The following DNAJC14 variants were observed in gnomAD, a reference collection of about 807,000 sequenced individuals.
DNAJC14 encodes the protein DnaJ heat shock protein family (Hsp40) member C14, also known as dnaJ homolog subfamily C member 14.
A neutral mutation model predicts 68.8 loss-of-function variants in DNAJC14; 12 were observed. The ratio of observed to expected loss-of-function variants is 0.17; its 90% confidence interval spans 0.11 to 0.28. DNAJC14 has a LOEUF of 0.28. Ranked by LOEUF, DNAJC14 falls within the 10% of genes least tolerant of loss-of-function variation. The probability of loss-of-function intolerance (pLI) is 1.00; values close to 1 mark genes in which losing one functional copy is unlikely to be tolerated. For synonymous variants in DNAJC14, 350 were observed against 321.5 expected (o/e 1.09, Z -0.95); for missense variants, 764 against 875.6 (o/e 0.87, Z 1.61).
At position 55,828,122 on chromosome 12, in the gene DNAJC14, G is replaced by A. The variant is rs1186289030; in HGVS notation, c.537C>T (p.Phe179=). 1 of 1,606,896 alleles carries A rather than the reference G, an allele frequency of 6.2e-7. No homozygotes were observed. Among genetic ancestry groups the A allele is most frequent in the East Asian group, 2.2e-5 (1 of 44,802 alleles). Residue 179 remains phenylalanine, a synonymous_variant, in exon 2 of 7, where the codon TTC becomes TTT. Transcript: ENST00000678005. ...EEYDDEESLK[F]PSDFSRVSSG... is the part of the protein sequence containing the mutation. ...TGGACACACGTGAAAAATCACTGGG[G>A]AACTTGAGAGATTCTTCATCATCAT...
chr12:55,823,513 C>G lies in DNAJC14; in HGVS notation c.1408-5G>C, dbSNP rs778007008. The G allele has an allele frequency of 1.9e-6, 3 of 1,612,478 alleles. No homozygotes were observed. Among genetic ancestry groups the G allele is most frequent in the Admixed American group, 3.3e-5 (2 of 60,006 alleles). The stretch of plus-strand genomic sequence containing the variant: ...ATGATTTTTGTCAGGATGAACCTAC[C>G]AAGACAGAGAGATTTCATTACAAAT... On this transcript the variant is annotated splice_region_variant and splice_polypyrimidine_tract_variant and intron_variant, in intron 2 of 6. Coordinates refer to ENST00000678005, the MANE Select transcript of DNAJC14 (RefSeq NM_032364.6).
chr12:55,823,280 G>A (rs112308485), intron 3 of DNAJC14, 91 bp from the exon 4 acceptor site: 46 of 1,600,860 alleles, frequency 2.9e-5, no homozygotes, highest in South Asian at 1.3e-4. Flanking sequence ...CCTGTCTAGC[G>A]AGAAAGACAA....
intron 3 of DNAJC14, 50 bp from the exon 4 acceptor site, chr12:55,823,239 AG>A (rs1353109487): frequency 6.2e-7 from 1 of 1,613,132 alleles, no homozygotes; most frequent in South Asian, 1.1e-5. Context: ...GGAGGGACAA[AG>A]GAAGACATAT....
At position 55,827,904 on chromosome 12, in the gene DNAJC14, A is replaced by C; in HGVS notation, c.755T>G (p.Phe252Cys). 6.2e-7 allele frequency: 1 copy of C among 1,607,894 alleles called. No homozygotes were observed. Among genetic ancestry groups the C allele is most frequent in the Non-Finnish European group, 8.5e-7 (1 of 1,175,530 alleles). ...TACCAGCAGTTCAATCAGCCACCAA[A>C]AGCCTGCCTGTCCAAGTTGACATAG... ...EELCQLGQAG[F>C]WWLIELLVLV... Residue 252 changes from phenylalanine to cysteine, a missense_variant, in exon 2 of 7, where the codon TTT (phenylalanine) becomes TGT (cysteine). Coordinates refer to ENST00000678005, the MANE Select transcript of DNAJC14 (RefSeq NM_032364.6).
In DNAJC14 at chr12:55,821,314, ATAT is replaced by A. The variant is rs1261826084; in HGVS notation, c.*660_*662del. ...TACATGCTTTCTTGTTCTCTTTTAA[ATAT>A]TATATCAGGATAAAGGAGAGGGCTC... On this transcript the variant is annotated 3_prime_UTR_variant, in exon 7 of 7. Coordinates refer to ENST00000678005, the MANE Select transcript of DNAJC14 (RefSeq NM_032364.6). The A allele has an allele frequency of 2.6e-5, 4 of 152,738 alleles. No homozygotes were observed. The East Asian group carries it at 5.8e-4, about 22-fold the overall frequency. 9.5% of individuals were successfully genotyped at this position (152,738 alleles called of 1,614,324 possible).
chr12:55,827,887 G>A lies in DNAJC14; in HGVS notation c.772C>T (p.Leu258=). The change falls in exon 2 of 7, where the codon CTG becomes TTG. Residue 258 remains leucine (L), a synonymous_variant. Coordinates refer to ENST00000678005, the MANE Select transcript of DNAJC14 (RefSeq NM_032364.6). ...ACGTACTCTCCCACCAATACCAGCAGTTCAATCAGCCACCAAAAGCCTGCC... is the reference window on the plus strand; with the variant it reads ...ACGTACTCTCCCACCAATACCAGCAATTCAATCAGCCACCAAAAGCCTGCC... ...GQAGFWWLIE[L]LVLVGEYVET... is the part of the protein sequence containing the mutation. 5 of 1,610,226 alleles carry A rather than the reference G, an allele frequency of 3.1e-6. No individual in the cohort carries two copies. The highest frequency in any genetic ancestry group is 4.2e-6 in the Non-Finnish European group (5 of 1,177,224).
chr12:55,828,806 C>G (rs1017915487), intron 1 of DNAJC14, 92 bp from the exon 2 acceptor site: 57 of 1,364,422 alleles, frequency 4.2e-5, no homozygotes, highest in Non-Finnish European at 5.2e-5. Flanking sequence ...ATTCATCCAC[C>G]TCCCTTGTTT....
chr12:55,829,549 G>A lies in DNAJC14; in HGVS notation c.-117C>T, dbSNP rs1295730464. 4.4e-5 allele frequency: 43 copies of A among 984,680 alleles called. No homozygotes were observed. The highest frequency in any genetic ancestry group is 5.1e-5 in the Non-Finnish European group (42 of 829,912). The allele number at this position is 984,680 out of a possible 1,614,324, so 61.0% of individuals were successfully genotyped here. A position where few individuals can be genotyped will look rare whatever the true frequency, so the allele number is the denominator to read the frequency against. On this transcript the variant is annotated 5_prime_UTR_variant, in exon 1 of 7. Transcript: ENST00000678005. ...CCGGCCTGGGGCCAGGGTGAGCTACGAGAGCCGCTCTCCCGGCTCCGCCTC... is the reference window on the plus strand; with the variant it reads ...CCGGCCTGGGGCCAGGGTGAGCTACAAGAGCCGCTCTCCCGGCTCCGCCTC...
upstream of DNAJC14, chr12:55,830,060 C>G (rs1302752627): frequency 6.6e-6 from 1 of 152,258 alleles, no homozygotes; most frequent in Non-Finnish European, 1.5e-5. Context: ...GGAGGTGGAG[C>G]AGAGGAGAGG....
chr12:55,829,740 T>A, upstream of DNAJC14: 1 of 404,926 alleles, frequency 2.5e-6, no homozygotes, highest in Non-Finnish European at 3.3e-6. Flanking sequence ...GAGGCGGTCC[T>A]AAGGAAGTAC....
intron 2 of DNAJC14, 67 bp from the exon 3 acceptor site, chr12:55,823,575 A>G (rs968932823): frequency 1.4e-6 from 2 of 1,381,392 alleles, no homozygotes; most frequent in African/African-American, 1.4e-5. Flanking sequence ...ATTTATTCTC[A>G]TATCAAAGGG....
intron 2 of DNAJC14, among the ~76,000 whole-genome samples, chr12:55,825,782 G>C (rs1880779229): frequency 6.6e-6 from 1 of 151,676 alleles, no homozygotes; most frequent in Admixed American, 6.6e-5. Flanking sequence ...CTGACCTTGT[G>C]ATCTGCCCAC....
rs928668890 is a variant in DNAJC14 at position 55,828,720 on chromosome 12, A to C, written c.-56-6T>G. 55 of 1,522,710 alleles carry C rather than the reference A, an allele frequency of 3.6e-5. No homozygotes were observed. The highest frequency in any genetic ancestry group is 4.7e-5 in the Non-Finnish European group (53 of 1,133,904). The allele number at this position is 1,522,710 out of a possible 1,614,324, so 94.3% of individuals were successfully genotyped here. A position where few individuals can be genotyped will look rare whatever the true frequency, so the allele number is the denominator to read the frequency against. Reference sequence around the variant, plus strand: ...ATCATGGTGTGTTCTGATGCCTGTAACAGATATCAAGGTGGAGACAGTCAA... The same window carrying C: ...ATCATGGTGTGTTCTGATGCCTGTACCAGATATCAAGGTGGAGACAGTCAA... On this transcript the variant is annotated splice_polypyrimidine_tract_variant and splice_region_variant and intron_variant, in intron 1 of 6. Transcript: ENST00000678005.
At chr12:55,828,760 G>A in intron 1 of DNAJC14, 46 bp from the exon 2 acceptor site, 2 of 1,445,390 alleles carry the variant, frequency 1.4e-6, no homozygotes, top group Non-Finnish European at 1.8e-6. Flanking sequence ...GAGACCAAGA[G>A]AGGAATTAAA....
rs547050004 is a variant in DNAJC14, at chr12:55,829,223, G to A, written c.-57+266C>T. The A allele has an allele frequency of 4.2e-6, 4 of 954,604 alleles. No individual in the cohort carries two copies. The East Asian group carries it at 4.6e-4, about 110-fold the overall frequency. The allele number at this position is 954,604 out of a possible 1,614,324, so 59.1% of individuals were successfully genotyped here. ...GCACTTTGGGAGGCCGAGGCCGGCG[G>A]ATCACGAGGTCAGGAGTTCGAGACC... On this transcript the variant is annotated intron_variant, in intron 1 of 6. Coordinates refer to ENST00000678005, the MANE Select transcript of DNAJC14 (RefSeq NM_032364.6).
In DNAJC14 at chr12:55,827,533, G is replaced by A. The variant is rs1880829827; in HGVS notation, c.1126C>T (p.Arg376Cys). 19 of 1,605,294 alleles carry A rather than the reference G, an allele frequency of 1.2e-5. No individual in the cohort carries two copies. The highest frequency in any genetic ancestry group is 1.5e-5 in the Non-Finnish European group (18 of 1,172,692). ...FSWLDSPALQ[R>C]CLTLLRDSRP... Reference sequence around the variant, plus strand: ...CTATCTCTCAGCAGAGTCAAGCAACGCTGCAAGGCTGGAGAATCCAGCCAA... The same window carrying A: ...CTATCTCTCAGCAGAGTCAAGCAACACTGCAAGGCTGGAGAATCCAGCCAA... Residue 376 changes from arginine to cysteine, a missense_variant, in exon 2 of 7, where the codon CGT (arginine) becomes TGT (cysteine). Physicochemically the swap from Arg to Cys is radical, Grantham distance 180. Around this residue, in one of 4 missense-constraint regions of DNAJC14, gnomAD observed 514 missense variants for 521.7 expected, o/e 0.99. Transcript: ENST00000678005.
Position 55,827,962 on chromosome 12 carries a change from G to C in DNAJC14, c.697C>G (p.Arg233Gly), listed in dbSNP as rs1389239848. The change falls in exon 2 of 7, where the codon CGC becomes GGC. Residue 233 changes from arginine to glycine, a missense_variant. By Grantham distance (125) the Arg-to-Gly change is moderately radical. Transcript: ENST00000678005. ...GCTCCCCACAATCCCAGGCCTTTGC[G>C]CTTATCTGCCTGACTTCGTTTCCGA... ...LGRKRSQADKRKGLGLWGAEE... is the reference protein window; with the variant it reads ...LGRKRSQADKGKGLGLWGAEE... 6.2e-7 allele frequency: 1 copy of C among 1,612,314 alleles called. No homozygotes were observed. Among genetic ancestry groups the C allele is most frequent in the Admixed American group, 1.7e-5 (1 of 59,852 alleles).
rs1880862902 is a variant in DNAJC14, at chr12:55,828,358, ATTC to A, written c.298_300del (p.Glu100del). The A allele has an allele frequency of 1.9e-6, 3 of 1,613,570 alleles. No homozygotes were observed. The highest frequency in any genetic ancestry group is 2.5e-6 in the Non-Finnish European group (3 of 1,179,890). On this transcript the variant is annotated inframe_deletion, in exon 2 of 7. Coordinates refer to ENST00000678005, the MANE Select transcript of DNAJC14 (RefSeq NM_032364.6). ...TTTGAGAGTTCCTGGTCCACTCCTG[ATTC>A]TTCTTCTGAAGACGTCTCACTCTGA...
At chr12:55,823,008 A>G in intron 4 of DNAJC14, 62 bp downstream of exon 4, 2 of 1,600,956 alleles carry the variant, frequency 1.2e-6, no homozygotes, top group Non-Finnish European at 1.7e-6. Flanking sequence ...CTCACTAGAA[A>G]GATCCTTGGT....
Sources: gnomAD v4.1 joint callset for allele counts (sites outside exome capture counted in the v4.1 genomes callset) on GRCh38, gnomAD v4.1.1 for gene constraint, gnomAD v4.1.1 regional missense constraint, MANE v1.5 for transcripts, NCBI Gene and HGNC (gene_info 2026-07-23, HGNC 2026-07-21) for gene names.